Variants in TMEM132B observed in about 807,000 individuals in gnomAD.
TMEM132B encodes the protein transmembrane protein 132B.
In TMEM132B, 18 loss-of-function variants were observed where a neutral mutation model predicts 90.8. That is an observed-to-expected ratio of 0.20 (90% CI 0.14 to 0.29). The LOEUF (loss-of-function observed/expected upper bound fraction) is 0.29, where lower values mean the gene tolerates loss of function less well. Ranked by LOEUF, TMEM132B falls within the 10% of genes least tolerant of loss-of-function variation. The pLI, the probability that TMEM132B is intolerant of heterozygous loss-of-function variation, is 1.00. For synonymous variants in TMEM132B, 504 were observed against 523.3 expected (o/e 0.96, Z 0.50); for missense variants, 1,096 against 1,326.8 (o/e 0.83, Z 2.70).
At chr12:125,631,517 T>G in intron 5 of TMEM132B, among the ~76,000 whole-genome samples, 1 of 152,256 alleles carries the variant, frequency 6.6e-6, no homozygotes, top group Non-Finnish European at 1.5e-5. Context: ...TGGTCTATAG[T>G]GCAGATTAAG....
chr12:125,625,299 AT>A (rs1293451638), intron 5 of TMEM132B, among the ~76,000 whole-genome samples: 2 of 151,602 alleles, frequency 1.3e-5, no homozygotes, highest in South Asian at 4.2e-4. Context: ...CGCCCAGCTA[AT>A]TTTTTTATAT....
intron 1 of TMEM132B, among the ~76,000 whole-genome samples, chr12:125,278,049 G>T (rs567223278): frequency 6.6e-6 from 1 of 152,164 alleles, no homozygotes. Context: ...CGCTTGTTTC[G>T]TGATAGATCT....
chr12:125,649,380 A>G (rs1443053120), intron 6 of TMEM132B, among the ~76,000 whole-genome samples: 1 of 152,332 alleles, frequency 6.6e-6, no homozygotes, highest in East Asian at 1.9e-4. Context: ...GGACTTAGCT[A>G]TAGAAAGGAA....
At chr12:125,269,694 T>C (rs755704519) in intron 1 of TMEM132B, among the ~76,000 whole-genome samples, 2 of 152,154 alleles carry the variant, frequency 1.3e-5, no homozygotes, top group Non-Finnish European at 2.9e-5. Context: ...TTAAATCCTA[T>C]GTGTTAGGTT....
rs1402349164 is a variant in TMEM132B at position 125,349,066 on chromosome 12, C to A, written c.68-386C>A. Among the ~76,000 whole-genome samples, 1 of 152,210 alleles carries A rather than the reference C, an allele frequency of 6.6e-6. No individual in the cohort carries two copies. The highest frequency in any genetic ancestry group is 1.5e-5 in the Non-Finnish European group (1 of 68,034). ...TAATAAGGCACTAACGTGTCACATACAATGGTGCAATGCCTGATTGGTAGA... is the reference window on the plus strand; with the variant it reads ...TAATAAGGCACTAACGTGTCACATAAAATGGTGCAATGCCTGATTGGTAGA... On this transcript the variant is annotated intron_variant, in intron 1 of 8. Transcript: ENST00000682704. The surrounding 1 kb of genome is among the most constrained non-coding windows in gnomAD (Gnocchi z 4.1).
chr12:125,360,773 T>C (rs866119536), intron 2 of TMEM132B, among the ~76,000 whole-genome samples: 4 of 150,268 alleles, frequency 2.7e-5, no homozygotes, highest in Non-Finnish European at 5.9e-5. Flanking sequence ...TAAAGGAAAA[T>C]AGGAGACGGT....
rs2137064564 is a variant in TMEM132B at position 125,656,938 on chromosome 12, T to C, written c.*2228T>C. 6.6e-6 allele frequency: 1 copy of C among 152,368 alleles called. No homozygotes were observed. Among genetic ancestry groups the C allele is most frequent in the African/African-American group, 2.4e-5 (1 of 41,592 alleles). 9.4% of individuals were successfully genotyped at this position (152,368 alleles called of 1,614,324 possible). ...CTCTTACACACATACAGCAGGGTCCTGCCCACTGGTAAAGTGAGACGTTGG... is the reference window on the plus strand; with the variant it reads ...CTCTTACACACATACAGCAGGGTCCCGCCCACTGGTAAAGTGAGACGTTGG... On this transcript the variant is annotated 3_prime_UTR_variant, in exon 9 of 9. Transcript: ENST00000682704.
chr12:125,439,929 G>T (rs150199947), intron 3 of TMEM132B, among the ~76,000 whole-genome samples: 1 of 152,182 alleles, frequency 6.6e-6, no homozygotes, highest in South Asian at 2.1e-4. Context: ...AGATAATCAC[G>T]TGGCTTTTGT....
intron 4 of TMEM132B, among the ~76,000 whole-genome samples, chr12:125,575,056 T>TTATATATATATATATATATATATATATA (rs1566078420): frequency 9.9e-4 from 11 of 11,060 alleles, no homozygotes; most frequent in African/African-American, 2.1e-3. Flanking sequence ...CTATTAGCTG[T>TTATATATATATATATATATATATATATA]CATATATATA....
chr12:125,487,728 T>C (rs1415898840), intron 3 of TMEM132B, among the ~76,000 whole-genome samples: 1 of 152,202 alleles, frequency 6.6e-6, no homozygotes, highest in African/African-American at 2.4e-5. Flanking sequence ...GAAGCAGAAA[T>C]GGCGAGGTGA....
chr12:125,204,022 G>T (rs1873126021), intron 1 of TMEM132B, among the ~76,000 whole-genome samples: 1 of 152,266 alleles, frequency 6.6e-6, no homozygotes, highest in Admixed American at 6.5e-5. Context: ...ACCTAGGGCT[G>T]AGATGGAGCG....
intron 3 of TMEM132B, among the ~76,000 whole-genome samples, chr12:125,449,814 T>C (rs2136446540): frequency 6.6e-6 from 1 of 152,344 alleles, no homozygotes; most frequent in East Asian, 1.9e-4. Flanking sequence ...AAATATGTTT[T>C]ATGCATTGGT....
chr12:125,282,293 C>T (rs1007452232), intron 1 of TMEM132B, among the ~76,000 whole-genome samples: 1 of 152,100 alleles, frequency 6.6e-6, no homozygotes, highest in Non-Finnish European at 1.5e-5. Flanking sequence ...TGCCTCTGTG[C>T]CCTGGTGCCC....
At chr12:125,602,334 A>G (rs1049376665) in intron 5 of TMEM132B, among the ~76,000 whole-genome samples, 1 of 152,242 alleles carries the variant, frequency 6.6e-6, no homozygotes, top group Admixed American at 6.5e-5. Context: ...AACATAATAC[A>G]TTACATAAAC....
At chr12:125,574,087 A>G (rs1884874571) in intron 4 of TMEM132B, among the ~76,000 whole-genome samples, 1 of 151,998 alleles carries the variant, frequency 6.6e-6, no homozygotes, top group South Asian at 2.1e-4. Context: ...GCTTTGATGA[A>G]TATCCTTCAT....
chr12:125,266,968 G>A (rs1874710731), intron 1 of TMEM132B, among the ~76,000 whole-genome samples: 1 of 152,128 alleles, frequency 6.6e-6, no homozygotes. Context: ...GCCTTGGTGA[G>A]TTCAGGATGG....
At chr12:125,597,623 G>T (rs2136910760) in intron 5 of TMEM132B, among the ~76,000 whole-genome samples, 1 of 152,186 alleles carries the variant, frequency 6.6e-6, no homozygotes, top group East Asian at 1.9e-4. Flanking sequence ...CATTTTTAAA[G>T]AAATCACTCA....
chr12:125,392,802 C>T (rs974905603), intron 2 of TMEM132B, among the ~76,000 whole-genome samples: 1 of 152,170 alleles, frequency 6.6e-6, no homozygotes, highest in Non-Finnish European at 1.5e-5. Flanking sequence ...GTCGCAGTGT[C>T]GCAGGCTTGC....
chr12:125,529,038 C>T (rs1883574651), intron 4 of TMEM132B, among the ~76,000 whole-genome samples: 2 of 149,212 alleles, frequency 1.3e-5, no homozygotes, highest in African/African-American at 2.5e-5. Flanking sequence ...CTTCCTCCCT[C>T]CTCCTTCTTC....
Sources: gnomAD v4.1 joint callset for allele counts (sites outside exome capture counted in the v4.1 genomes callset) on GRCh38, gnomAD v4.1.1 for gene constraint, Gnocchi (gnomAD v3.1) non-coding constraint, MANE v1.5 for transcripts, NCBI Gene and HGNC (gene_info 2026-07-23, HGNC 2026-07-21) for gene names.